Variants in ARL2BP observed in about 807,000 individuals in gnomAD.
ARL2BP encodes ADP-ribosylation factor-like protein 2-binding protein.
A neutral mutation model predicts 24.2 loss-of-function variants in ARL2BP; 19 were observed. That is an observed-to-expected ratio of 0.79 (90% CI 0.55 to 1.15). The LOEUF (loss-of-function observed/expected upper bound fraction) is 1.15, where lower values mean the gene tolerates loss of function less well. Among genes scored for constraint, ARL2BP ranks in the 50% most tolerant of loss-of-function variants. The pLI is 0.00. For synonymous variants in ARL2BP, 56 were observed against 70.5 expected, an observed-to-expected ratio of 0.79 and a Z score of 1.03; for missense variants, 160 against 190.4, an observed-to-expected ratio of 0.84 and a Z score of 0.94.
rs2146430401 is a variant in ARL2BP at position 57,250,393 on chromosome 16, C to T, written c.294-18C>T. 1 of 1,604,752 alleles carries T rather than the reference C, an allele frequency of 6.2e-7. No individual in the cohort carries two copies. Among genetic ancestry groups the T allele is most frequent in the Admixed American group, 1.7e-5 (1 of 60,012 alleles). On this transcript the variant is annotated intron_variant, in intron 4 of 5. Transcript: ENST00000219204. The stretch of plus-strand genomic sequence containing the variant: ...TCTCATCATTCATTCACGAAACAGC[C>T]ATCTGTTCCGTTTGCAGGCACCATA...
chr16:57,251,400 CAA>C (rs202213377), intron 5 of ARL2BP: 49 of 124,854 alleles, frequency 3.9e-4, no homozygotes, highest in East Asian at 7.0e-4. Flanking sequence ...GACCCTGTGT[CAA>C]AAAAAAAAAA....
Position 57,249,766 on chromosome 16 carries a change from G to C in ARL2BP, c.208-1G>C, listed in dbSNP as rs769939694. On this transcript the variant is annotated splice_acceptor_variant, in intron 3 of 5. Coordinates refer to ENST00000219204, the MANE Select transcript of ARL2BP (RefSeq NM_012106.4). LOFTEE classifies it high-confidence loss of function. ...CACCAAAATCCTTTCCACTGTTGCAGATTTCTTTGGTAGAAAAATACATTG... is the reference window on the plus strand; with the variant it reads ...CACCAAAATCCTTTCCACTGTTGCACATTTCTTTGGTAGAAAAATACATTG... The C allele has an allele frequency of 6.2e-7, 1 of 1,613,774 alleles. No homozygotes were observed.
At position 57,245,425 on chromosome 16, in the gene ARL2BP, C is replaced by T. The variant is rs1421386438; in HGVS notation, c.38+20C>T. 4.4e-6 allele frequency: 7 copies of T among 1,603,562 alleles called. No homozygotes were observed. Among genetic ancestry groups the T allele is most frequent in the African/African-American group, 1.3e-5 (1 of 74,990 alleles). On this transcript the variant is annotated intron_variant, in intron 1 of 5. Coordinates refer to ENST00000219204, the MANE Select transcript of ARL2BP (RefSeq NM_012106.4). Reference sequence around the variant, plus strand: ...GTCTTTGTGAGTAGCTCCTCCAGGGCGCAGGCGACTTGGGGCCGGAGGCAG... The same window carrying T: ...GTCTTTGTGAGTAGCTCCTCCAGGGTGCAGGCGACTTGGGGCCGGAGGCAG...
chr16:57,252,327 C>T lies in ARL2BP; in HGVS notation c.*60C>T. ...GATGTCACCAGCCCAATAGGCTCAG[C>T]TCATGATGACAGAACACATCTTGGA... On this transcript the variant is annotated 3_prime_UTR_variant, in exon 6 of 6. Coordinates refer to ENST00000219204, the MANE Select transcript of ARL2BP (RefSeq NM_012106.4). The T allele has an allele frequency of 6.2e-7, 1 of 1,613,416 alleles. No individual in the cohort carries two copies. The highest frequency in any genetic ancestry group is 8.5e-7 in the Non-Finnish European group (1 of 1,179,886).
At chr16:57,245,809 C>A in intron 1 of ARL2BP, 1 of 512,190 alleles carries the variant, frequency 2.0e-6, no homozygotes, top group South Asian at 2.6e-5. Context: ...CACAAGCAGA[C>A]AGGTATGGGG....
At chr16:57,246,629 T>A (rs1252922722) in intron 2 of ARL2BP, among the ~76,000 whole-genome samples, 2 of 151,984 alleles carry the variant, frequency 1.3e-5, no homozygotes, top group East Asian at 1.9e-4. Context: ...GGTGAAACCC[T>A]GTCTCTACTA....
rs765259582 is a variant in ARL2BP at position 57,250,402 on chromosome 16, C to T, written c.294-9C>T. On this transcript the variant is annotated splice_polypyrimidine_tract_variant and intron_variant, in intron 4 of 5. Transcript: ENST00000219204. Reference sequence around the variant, plus strand: ...TCATTCACGAAACAGCCATCTGTTCCGTTTGCAGGCACCATAAGGATGAAG... The same window carrying T: ...TCATTCACGAAACAGCCATCTGTTCTGTTTGCAGGCACCATAAGGATGAAG... 13 of 1,612,742 alleles carry T rather than the reference C, an allele frequency of 8.1e-6. No homozygotes were observed. The highest frequency in any genetic ancestry group is 1.7e-4 in the Middle Eastern group (1 of 6,014).
At chr16:57,249,139 C>T (rs542000350) in intron 3 of ARL2BP, 2 of 152,818 alleles carry the variant, frequency 1.3e-5, no homozygotes, top group Admixed American at 6.5e-5. Context: ...CATACTCTTT[C>T]TTTCTTCTAT....
At position 57,252,468 on chromosome 16, in the gene ARL2BP, C is replaced by T. The variant is rs1347440633; in HGVS notation, c.*201C>T. The T allele has an allele frequency of 1.1e-6, 1 of 893,840 alleles. No individual in the cohort carries two copies. Among genetic ancestry groups the T allele is most frequent in the Non-Finnish European group, 1.7e-6 (1 of 602,536 alleles). The allele number at this position is 893,840 out of a possible 1,614,324, so 55.4% of individuals were successfully genotyped here. ...TGAAACACCTTCTTGTATTCATTAACCATAGTACTCCTCCCCACCTCAAGT... is the reference window on the plus strand; with the variant it reads ...TGAAACACCTTCTTGTATTCATTAATCATAGTACTCCTCCCCACCTCAAGT... On this transcript the variant is annotated 3_prime_UTR_variant, in exon 6 of 6. Coordinates refer to ENST00000219204, the MANE Select transcript of ARL2BP (RefSeq NM_012106.4).
chr16:57,246,760 T>C (rs1348950117), intron 2 of ARL2BP, among the ~76,000 whole-genome samples: 4 of 152,126 alleles, frequency 2.6e-5, no homozygotes, highest in African/African-American at 7.2e-5. Context: ...TCCGAGATCG[T>C]GCCACTTCAC....
chr16:57,249,975 T>C, intron 4 of ARL2BP, 123 bp downstream of exon 4: 1 of 837,634 alleles, frequency 1.2e-6, no homozygotes, highest in Non-Finnish European at 2.0e-6. Flanking sequence ...TTAGGTCCTA[T>C]GGAGGAAGCC....
chr16:57,245,997 G>T, intron 1 of ARL2BP, 83 bp from the exon 2 acceptor site: 1 of 1,333,922 alleles, frequency 7.5e-7, no homozygotes, highest in South Asian at 1.2e-5. Flanking sequence ...TTTTTCTCTT[G>T]TGCATGTTTG....
At chr16:57,250,275 G>C in intron 4 of ARL2BP, 136 bp from the exon 5 acceptor site, 1 of 718,428 alleles carries the variant, frequency 1.4e-6, no homozygotes, top group Non-Finnish European at 2.4e-6. Context: ...GGGTGACAGA[G>C]CAAGACCCAG....
chr16:57,248,778 G>T, intron 3 of ARL2BP, 135 bp downstream of exon 3: 1 of 481,548 alleles, frequency 2.1e-6, no homozygotes, highest in Non-Finnish European at 3.7e-6. Flanking sequence ...ATTAGCATCT[G>T]GTTTAAGTTC....
At chr16:57,250,255 A>C (rs1337461043) in intron 4 of ARL2BP, 156 bp from the exon 5 acceptor site, 2 of 653,760 alleles carry the variant, frequency 3.1e-6, no homozygotes, top group Non-Finnish European at 5.3e-6. Context: ...GCACCCCTGC[A>C]CTCCTGCCTG....
intron 2 of ARL2BP, 124 bp downstream of exon 2, chr16:57,246,265 A>G: frequency 1.1e-6 from 1 of 903,492 alleles, no homozygotes; most frequent in East Asian, 2.4e-5. Context: ...ATGTAGCACA[A>G]TGTAATACTT....
intron 2 of ARL2BP, chr16:57,246,477 GT>G (rs1241148118): frequency 1.4e-5 from 3 of 208,822 alleles, no homozygotes; most frequent in Non-Finnish European, 2.9e-5. Context: ...ATTTTAGATA[GT>G]TTTGAGTTTT....
In ARL2BP at chr16:57,248,706, C is replaced by A. The variant is rs2075398430; in HGVS notation, c.207+63C>A. The A allele has an allele frequency of 8.2e-6, 8 of 978,000 alleles. 1 individual carries two copies. Among genetic ancestry groups the A allele is most frequent in the South Asian group, 1.7e-5 (1 of 57,242 alleles). 60.6% of individuals were successfully genotyped at this position (978,000 alleles called of 1,614,324 possible). The stretch of plus-strand genomic sequence containing the variant: ...GTTTTTAAAAATTTAAATTTAGATT[C>A]AAAAGACATTGAAATTTGCTGCCTT... On this transcript the variant is annotated intron_variant, in intron 3 of 5. Transcript: ENST00000219204.
rs558022546 is a variant in ARL2BP at position 57,249,845 on chromosome 16, A to G, written c.286A>G (p.Thr96Ala). ...GTTCAACATGGCAGCCTTCACCACAACATTACAGTGAGTTGAGCTTGACTG... is the reference window on the plus strand; with the variant it reads ...GTTCAACATGGCAGCCTTCACCACAGCATTACAGTGAGTTGAGCTTGACTG... ...PEFNMAAFTT[T>A]LQHHKDEVAG... Residue 96 changes from threonine to alanine, a missense_variant, in exon 4 of 6, where the codon ACA (threonine) becomes GCA (alanine). Physicochemically the swap from Thr to Ala is moderately conservative, Grantham distance 58. Transcript: ENST00000219204. The G allele has an allele frequency of 6.2e-7, 1 of 1,613,944 alleles. No individual in the cohort carries two copies. Among genetic ancestry groups the G allele is most frequent in the South Asian group, 1.1e-5 (1 of 91,078 alleles).
Sources: allele counts gnomAD v4.1 joint callset (sites outside exome capture counted in the v4.1 genomes callset), GRCh38; gene constraint gnomAD v4.1.1; transcripts MANE v1.5; gene names NCBI Gene and HGNC (gene_info 2026-07-23, HGNC 2026-07-21).